Variants in TARP observed in about 807,000 individuals in gnomAD.
At chr7:38,261,304 G>T in the TARP span, among the ~76,000 whole-genome samples, 2 of 151,588 alleles carry the variant, frequency 1.3e-5, no homozygotes, top group Non-Finnish European at 2.9e-5. Flanking sequence ...TTGATGGCCT[G>T]ATTTGAAATC....
chr7:38,270,111 T>A, the TARP span, among the ~76,000 whole-genome samples: 1 of 151,838 alleles, frequency 6.6e-6, no homozygotes, highest in Non-Finnish European at 1.5e-5. Context: ...CAAAAATAAA[T>A]GCTATGGAAA....
At chr7:38,261,177 C>T in the TARP span, among the ~76,000 whole-genome samples, 1 of 151,454 alleles carries the variant, frequency 6.6e-6, no homozygotes, top group Non-Finnish European at 1.5e-5. Context: ...GCCCATGCAC[C>T]CACCCAGCCC....
the TARP span, chr7:38,269,639 T>C: frequency 1.7e-6 from 1 of 582,270 alleles, no homozygotes; most frequent in South Asian, 2.1e-5. Flanking sequence ...GTTCCAGTCC[T>C]GGTTCATTTT....
the TARP span, among the ~76,000 whole-genome samples, chr7:38,261,103 CA>C: frequency 6.6e-6 from 1 of 151,576 alleles, no homozygotes; most frequent in Non-Finnish European, 1.5e-5. Flanking sequence ...AACTGTTGCT[CA>C]CAAAATGTAG....
chr7:38,273,560 ACATTG>A, the TARP span: 1 of 1,577,586 alleles, frequency 6.3e-7, no homozygotes, highest in Non-Finnish European at 8.6e-7. Context: ...TCCCTTCTTT[ACATTG>A]CAAAATTTAA....
chr7:38,263,812 T>C, the TARP span, among the ~76,000 whole-genome samples: 1 of 151,860 alleles, frequency 6.6e-6, no homozygotes. Flanking sequence ...AGATCTTTAT[T>C]TCATGAATTC....
the TARP span, chr7:38,269,621 A>C: frequency 1.7e-6 from 1 of 603,114 alleles, no homozygotes; most frequent in East Asian, 2.8e-5. Flanking sequence ...GATTCTCAAA[A>C]GACCAGGGTT....
chr7:38,273,334 C>T, the TARP span, among the ~76,000 whole-genome samples: 1 of 150,008 alleles, frequency 6.7e-6, no homozygotes, highest in Non-Finnish European at 1.5e-5. Context: ...AAACTTTCAA[C>T]AGAGAGATAC....
the TARP span, among the ~76,000 whole-genome samples, chr7:38,262,873 G>T: frequency 3.3e-5 from 5 of 151,350 alleles, no homozygotes; most frequent in Non-Finnish European, 5.9e-5. Flanking sequence ...TGCGCAGGCT[G>T]GTTTCAAACT....
the TARP span, among the ~76,000 whole-genome samples, chr7:38,261,673 G>A: frequency 0.54 from 80,551 of 150,268 alleles, 23,779 homozygotes; most frequent in African/African-American, 0.8. Context: ...CAAATTCGAG[G>A]CCATCCTGGC....
the TARP span, among the ~76,000 whole-genome samples, chr7:38,262,640 T>TTTTG: frequency 1.8e-4 from 27 of 151,322 alleles, no homozygotes; most frequent in East Asian, 5.8e-4. Flanking sequence ...ATTAATTTTG[T>TTTTG]TTTGTTTGTT....
At chr7:38,272,134 G>A in the TARP span, among the ~76,000 whole-genome samples, 3 of 150,920 alleles carry the variant, frequency 2.0e-5, no homozygotes, top group East Asian at 5.8e-4. Context: ...GACATAGAAA[G>A]CATTTTACAA....
At chr7:38,266,246 G>T in the TARP span, among the ~76,000 whole-genome samples, 1 of 151,508 alleles carries the variant, frequency 6.6e-6, no homozygotes, top group Non-Finnish European at 1.5e-5. Flanking sequence ...TCATTTAACT[G>T]ATTCTGCGAT....
the TARP span, among the ~76,000 whole-genome samples, chr7:38,267,248 A>C: frequency 2.0e-5 from 3 of 151,792 alleles, no homozygotes; most frequent in African/African-American, 7.3e-5. Flanking sequence ...ATGATTTCAG[A>C]GCTTCTTATA....
the TARP span, among the ~76,000 whole-genome samples, chr7:38,271,686 T>C: frequency 6.6e-6 from 1 of 151,552 alleles, no homozygotes; most frequent in Non-Finnish European, 1.5e-5. Flanking sequence ...TGTGAGTGAA[T>C]AATTGTGTCT....
chr7:38,266,942 AT>A, the TARP span, among the ~76,000 whole-genome samples: 1 of 151,922 alleles, frequency 6.6e-6, no homozygotes, highest in East Asian at 1.9e-4. Flanking sequence ...ACTTATCAAA[AT>A]TTCATTTTGC....
chr7:38,271,458 C>A, the TARP span, among the ~76,000 whole-genome samples: 1 of 150,944 alleles, frequency 6.6e-6, no homozygotes, highest in African/African-American at 2.4e-5. Flanking sequence ...TCTTCTAATA[C>A]TCTGCTTTGA....
chr7:38,271,808 A>T, the TARP span, among the ~76,000 whole-genome samples: 1 of 151,442 alleles, frequency 6.6e-6, no homozygotes, highest in Admixed American at 6.6e-5. Flanking sequence ...CATGTGAAGC[A>T]TCAAAACAAA....
At chr7:38,266,931 C>T in the TARP span, among the ~76,000 whole-genome samples, 100 of 151,764 alleles carry the variant, frequency 6.6e-4, no homozygotes, top group Middle Eastern at 3.4e-3. Context: ...TGCAGTAACG[C>T]ACTTATCAAA....
Sources: gnomAD v4.1 joint callset for allele counts (sites outside exome capture counted in the v4.1 genomes callset) on GRCh38, gnomAD v4.1.1 for gene constraint, MANE v1.5 for transcripts.